Variants in GPR158 observed in about 807,000 individuals in gnomAD.
The protein encoded by GPR158 is metabotropic glycine receptor.
Under a neutral mutation model 78.2 loss-of-function variants are expected in GPR158, and 30 were observed. The observed-to-expected ratio is 0.38, with a 90% CI of 0.29 to 0.52. GPR158 has a LOEUF of 0.52. Among genes scored for constraint, GPR158 ranks in the 20% least tolerant of loss-of-function variants. The pLI is 0.83. For missense variants in GPR158, 1,463 were observed against 1,523.5 expected, an observed-to-expected ratio of 0.96 and a Z score of 0.66; for synonymous variants, 581 against 591.1, an observed-to-expected ratio of 0.98 and a Z score of 0.25.
At chr10:25,435,204 C>G (rs971719111) in intron 4 of GPR158, among the ~76,000 whole-genome samples, 1 of 152,024 alleles carries the variant, frequency 6.6e-6, no homozygotes, top group African/African-American at 2.4e-5. Flanking sequence ...CTCTGTGATC[C>G]TATGGGTAGA....
intron 8 of GPR158, among the ~76,000 whole-genome samples, chr10:25,590,608 T>C (rs1349419657): frequency 6.6e-6 from 1 of 152,152 alleles, no homozygotes; most frequent in African/African-American, 2.4e-5. Flanking sequence ...TATTCCAAGA[T>C]ATAACAAACA....
At chr10:25,516,192 C>A (rs1289089100) in intron 5 of GPR158, among the ~76,000 whole-genome samples, 1 of 151,566 alleles carries the variant, frequency 6.6e-6, no homozygotes, top group Non-Finnish European at 1.5e-5. Context: ...CTGCTCATGT[C>A]CTTTGCCCAC....
chr10:25,425,938 A>G (rs770171312), intron 4 of GPR158, among the ~76,000 whole-genome samples: 6 of 151,962 alleles, frequency 3.9e-5, no homozygotes, highest in African/African-American at 7.2e-5. Flanking sequence ...GCTGTTTCCT[A>G]TCTACATGTT....
intron 3 of GPR158, among the ~76,000 whole-genome samples, chr10:25,408,552 C>CT (rs1834545467): frequency 6.6e-6 from 1 of 152,168 alleles, no homozygotes; most frequent in Non-Finnish European, 1.5e-5. Flanking sequence ...AGTCACCATC[C>CT]TCAGACCTTC....
intron 2 of GPR158, among the ~76,000 whole-genome samples, chr10:25,283,767 C>G (rs1854308918): frequency 1.3e-5 from 2 of 151,848 alleles, no homozygotes; most frequent in Admixed American, 1.3e-4. Context: ...CTCATAAGCA[C>G]TACTTTTGCT....
At chr10:25,250,581 A>G (rs1853780442) in intron 2 of GPR158, among the ~76,000 whole-genome samples, 1 of 149,110 alleles carries the variant, frequency 6.7e-6, no homozygotes, top group Admixed American at 6.7e-5. Context: ...CCCAGTAGTC[A>G]TTCAGGAGCA....
intron 2 of GPR158, among the ~76,000 whole-genome samples, chr10:25,306,324 T>C (rs1588788575): frequency 6.6e-6 from 1 of 152,202 alleles, no homozygotes; most frequent in East Asian, 1.9e-4. Flanking sequence ...GTACTAAATA[T>C]CTCTTACTAA....
chr10:25,416,933 A>T (rs1302833039), intron 4 of GPR158, among the ~76,000 whole-genome samples: 3 of 152,160 alleles, frequency 2.0e-5, no homozygotes, highest in African/African-American at 7.2e-5. Flanking sequence ...TGAGGTTAAG[A>T]TATCAAATGG....
At chr10:25,185,759 CT>C (rs980141100) in intron 1 of GPR158, among the ~76,000 whole-genome samples, 34 of 151,884 alleles carry the variant, frequency 2.2e-4, no homozygotes, top group South Asian at 2.1e-4. Flanking sequence ...GGAGGCAGAG[CT>C]TGCAGTGAGC....
chr10:25,262,102 C>A (rs1018640365), intron 2 of GPR158, among the ~76,000 whole-genome samples: 21 of 152,062 alleles, frequency 1.4e-4, no homozygotes, highest in African/African-American at 4.6e-4. Flanking sequence ...GATCTAGCTG[C>A]AATATTAGCA....
At chr10:25,445,776 A>G (rs1210579960) in intron 4 of GPR158, among the ~76,000 whole-genome samples, 1 of 152,106 alleles carries the variant, frequency 6.6e-6, no homozygotes, top group Non-Finnish European at 1.5e-5. Flanking sequence ...AGGGAGACAG[A>G]CACAGACAGA....
intron 5 of GPR158, among the ~76,000 whole-genome samples, chr10:25,521,083 G>GC (rs1251433064): frequency 1.3e-5 from 2 of 152,220 alleles, no homozygotes; most frequent in Admixed American, 6.5e-5. Flanking sequence ...CATTTCCTAA[G>GC]CCCGTCGGAA....
chr10:25,182,091 C>T (rs370598176), intron 1 of GPR158, among the ~76,000 whole-genome samples: 22 of 151,978 alleles, frequency 1.4e-4, no homozygotes, highest in African/African-American at 3.9e-4. Flanking sequence ...TATATAAATG[C>T]AGAACATGTT....
intron 2 of GPR158, among the ~76,000 whole-genome samples, chr10:25,374,966 CA>C (rs1355394205): frequency 1.3e-5 from 2 of 151,572 alleles, no homozygotes; most frequent in South Asian, 2.1e-4. Flanking sequence ...AAGCAATTTC[CA>C]AAGCATTTTC....
intron 2 of GPR158, among the ~76,000 whole-genome samples, chr10:25,304,438 C>T (rs57618628): frequency 0.2 from 30,709 of 151,876 alleles, 5,243 homozygotes; most frequent in African/African-American, 0.47. Context: ...GAAGAGAGCC[C>T]AGGTTCAACT....
intron 5 of GPR158, among the ~76,000 whole-genome samples, chr10:25,480,211 G>A (rs1481210740): frequency 6.6e-6 from 1 of 152,062 alleles, no homozygotes; most frequent in African/African-American, 2.4e-5. Flanking sequence ...ATTTGATAAT[G>A]TCCCTTTTGT....
intron 4 of GPR158, among the ~76,000 whole-genome samples, chr10:25,443,554 CAAAAAA>C (rs67094533): frequency 9.3e-6 from 1 of 107,578 alleles, no homozygotes; most frequent in African/African-American, 3.7e-5. Context: ...GAGACTGTTT[CAAAAAA>C]AAAAAAAAAA....
At chr10:25,255,294 A>G (rs928053198) in intron 2 of GPR158, among the ~76,000 whole-genome samples, 4 of 152,216 alleles carry the variant, frequency 2.6e-5, no homozygotes, top group Admixed American at 2.0e-4. Context: ...ATTTTGGTGG[A>G]TGGCAGGGTT....
chr10:25,528,875 T>TGTTAA (rs1198723893), intron 5 of GPR158, among the ~76,000 whole-genome samples: 1 of 152,182 alleles, frequency 6.6e-6, no homozygotes, highest in African/African-American at 2.4e-5. Context: ...TACTCTAAAG[T>TGTTAA]TACAGGACTT....
Sources: allele counts gnomAD v4.1 joint callset (sites outside exome capture counted in the v4.1 genomes callset), GRCh38; gene constraint gnomAD v4.1.1; transcripts MANE v1.5; gene names NCBI Gene and HGNC (gene_info 2026-07-23, HGNC 2026-07-21).